The following TET2 variants were observed in gnomAD, a reference collection of about 807,000 sequenced individuals.
TET2 encodes the protein methylcytosine dioxygenase TET2.
Under a neutral mutation model 142.9 loss-of-function variants are expected in TET2, and 299 were observed. That is an observed-to-expected ratio of 2.09 (90% CI 1.90 to 2.30). The LOEUF (loss-of-function observed/expected upper bound fraction) is 2.30, where lower values mean the gene tolerates loss of function less well. TET2 is among the 30% of genes most tolerant of loss of function. The pLI, the probability that TET2 is intolerant of heterozygous loss-of-function variation, is 0.00. For missense variants in TET2, 2,418 were observed against 2,378.0 expected (o/e 1.02, Z -0.35); for synonymous variants, 819 against 849.0 (o/e 0.96, Z 0.61).
chr4:105,176,435 G>T (rs1447688952), intron 1 of TET2, among the ~76,000 whole-genome samples: 1 of 152,104 alleles, frequency 6.6e-6, no homozygotes, highest in Non-Finnish European at 1.5e-5. Flanking sequence ...AATGATTATT[G>T]TAAGGTTACA....
chr4:105,181,242 A>G (rs1429067660), intron 1 of TET2, among the ~76,000 whole-genome samples: 2 of 152,152 alleles, frequency 1.3e-5, no homozygotes, highest in African/African-American at 4.8e-5. Context: ...GTGTCTGTAT[A>G]GTAGTGGTTT....
chr4:105,193,711 G>A (rs1725918123), intron 2 of TET2, among the ~76,000 whole-genome samples: 1 of 152,036 alleles, frequency 6.6e-6, no homozygotes, highest in Non-Finnish European at 1.5e-5. Flanking sequence ...ATTACGTGTT[G>A]GTATTAAAAG....
chr4:105,171,645 A>G (rs1281254658), intron 1 of TET2: 47 of 152,208 alleles, frequency 3.1e-4, no homozygotes, highest in Admixed American at 3.1e-3. Context: ...GCAACTCTTG[A>G]GCTACAACTG....
rs938739326 is a variant in TET2 at position 105,261,683 on chromosome 4, A to T, written c.3955-76A>T. The T allele has an allele frequency of 5.5e-5, 46 of 835,170 alleles. No homozygotes were observed. In the African/African-American group the frequency reaches 7.8e-4, roughly 14 times the overall value. 51.7% of individuals were successfully genotyped at this position (835,170 alleles called of 1,614,324 possible). A position where few individuals can be genotyped will look rare whatever the true frequency, so the allele number is the denominator to read the frequency against. ...TTGGGATTCAAAATGTAAGGGGAATAATCTAACTGATAGTCTCTTTTACAT... is the reference window on the plus strand; with the variant it reads ...TTGGGATTCAAAATGTAAGGGGAATTATCTAACTGATAGTCTCTTTTACAT... On this transcript the variant is annotated intron_variant, in intron 7 of 10. Coordinates refer to ENST00000380013, the MANE Select transcript of TET2 (RefSeq NM_001127208.3).
At chr4:105,182,476 G>A (rs1051191098) in intron 1 of TET2, among the ~76,000 whole-genome samples, 7 of 152,148 alleles carry the variant, frequency 4.6e-5, no homozygotes, top group Non-Finnish European at 1.0e-4. Flanking sequence ...TCTACTTGTC[G>A]TAACTTGATG....
At chr4:105,148,020 G>A (rs1032988932) in intron 1 of TET2, among the ~76,000 whole-genome samples, 16 of 151,886 alleles carry the variant, frequency 1.1e-4, no homozygotes, top group African/African-American at 3.6e-4. Context: ...TTCTCTCTGT[G>A]TCTCCTCTCT....
intron 2 of TET2, among the ~76,000 whole-genome samples, chr4:105,211,477 A>G (rs1401869863): frequency 6.6e-6 from 1 of 152,204 alleles, no homozygotes; most frequent in African/African-American, 2.4e-5. Flanking sequence ...GGTCCAGTCC[A>G]GCCCCCTGAG....
intron 8 of TET2, among the ~76,000 whole-genome samples, chr4:105,262,577 T>C (rs917601031): frequency 6.6e-6 from 1 of 152,050 alleles, no homozygotes; most frequent in African/African-American, 2.4e-5. Flanking sequence ...GCCATCTCTG[T>C]CTGTCTTTAA....
chr4:105,268,327 A>C (rs1485467448), intron 8 of TET2, among the ~76,000 whole-genome samples: 1 of 151,742 alleles, frequency 6.6e-6, no homozygotes, highest in African/African-American at 2.4e-5. Context: ...TTAGACATAC[A>C]TTTGACAAAA....
intron 6 of TET2, among the ~76,000 whole-genome samples, chr4:105,250,815 A>C (rs758817988): frequency 2.0e-5 from 3 of 151,834 alleles, no homozygotes; most frequent in South Asian, 2.1e-4. Flanking sequence ...CCTCAGCTGG[A>C]ACTACAGGTG....
rs1728905813 is a variant in TET2 at position 105,236,342 on chromosome 4, T to C, written c.2400T>C (p.His800=). The change falls in exon 3 of 11, where the codon CAT becomes CAC. Residue 800 remains histidine (H), a synonymous_variant. Transcript: ENST00000380013. ...QYSKSSEFET[H]NVQMGLEEVQ... ...CAAAATCAAGCGAGTTCGAGACTCATAATGTCCAAATGGGACTGGAGGAAG... is the reference window on the plus strand; with the variant it reads ...CAAAATCAAGCGAGTTCGAGACTCACAATGTCCAAATGGGACTGGAGGAAG... 1.9e-6 allele frequency: 3 copies of C among 1,613,902 alleles called. No individual in the cohort carries two copies. Among genetic ancestry groups the C allele is most frequent in the African/African-American group, 1.3e-5 (1 of 74,938 alleles).
At chr4:105,204,234 T>TGCACACACAC (rs1553948996) in intron 2 of TET2, among the ~76,000 whole-genome samples, 7 of 125,968 alleles carry the variant, frequency 5.6e-5, no homozygotes, top group African/African-American at 8.7e-5. Flanking sequence ...AAAAAATATA[T>TGCACACACAC]ACACACACAC....
At chr4:105,185,641 T>TGG (rs1039031585) in intron 1 of TET2, among the ~76,000 whole-genome samples, 1 of 151,878 alleles carries the variant, frequency 6.6e-6, no homozygotes, top group African/African-American at 2.4e-5. Context: ...TAGCCAGGCG[T>TGG]GGGGGCATGC....
intron 1 of TET2, among the ~76,000 whole-genome samples, chr4:105,184,142 A>G (rs10461139): frequency 0.76 from 114,928 of 151,928 alleles, 44,523 homozygotes; most frequent in African/African-American, 0.94. Context: ...TTTTTTTTGC[A>G]TTTTCTGTGT....
intron 6 of TET2, among the ~76,000 whole-genome samples, chr4:105,258,276 T>TTA (rs1435974772): frequency 6.7e-6 from 1 of 148,472 alleles, no homozygotes; most frequent in African/African-American, 2.4e-5. Context: ...TCAGAGATCC[T>TTA]TATTCTGCCA....
intron 8 of TET2, among the ~76,000 whole-genome samples, chr4:105,264,622 C>T (rs1156847410): frequency 6.6e-6 from 1 of 152,070 alleles, no homozygotes; most frequent in Non-Finnish European, 1.5e-5. Flanking sequence ...GATGTAATGT[C>T]TAGATAAATT....
chr4:105,155,782 T>TAAGGA (rs1160673519), intron 1 of TET2, among the ~76,000 whole-genome samples: 1 of 152,196 alleles, frequency 6.6e-6, no homozygotes, highest in Non-Finnish European at 1.5e-5. Context: ...TTGTACCCAA[T>TAAGGA]AAGGAAGTAT....
chr4:105,169,319 T>A (rs1458632341), intron 1 of TET2, among the ~76,000 whole-genome samples: 1 of 152,230 alleles, frequency 6.6e-6, no homozygotes, highest in Non-Finnish European at 1.5e-5. Context: ...TGCATTTCCC[T>A]GATCATTAGT....
Position 105,243,632 on chromosome 4 carries a change from CA to C in TET2, c.3658del (p.Thr1220ProfsTer6). The C allele has an allele frequency of 6.4e-7, 1 of 1,551,594 alleles. No homozygotes were observed. The highest frequency in any genetic ancestry group is 8.7e-7 in the Non-Finnish European group (1 of 1,146,954). Reference sequence around the variant, plus strand: ...GTTTGGTGCGGGAGCGAGCTGGCCACACCTGTGAGGCTGCAGTGATTGTGAT... The same window carrying C: ...GTTTGGTGCGGGAGCGAGCTGGCCACCCTGTGAGGCTGCAGTGATTGTGAT... ...LCLVRERAGH[T>X]CEAAVIVILI... On this transcript the variant is annotated frameshift_variant, in exon 6 of 11. Coordinates refer to ENST00000380013, the MANE Select transcript of TET2 (RefSeq NM_001127208.3). LOFTEE classifies it high-confidence loss of function.
Sources: allele counts gnomAD v4.1 joint callset (sites outside exome capture counted in the v4.1 genomes callset), GRCh38; gene constraint gnomAD v4.1.1; transcripts MANE v1.5; gene names NCBI Gene and HGNC (gene_info 2026-07-23, HGNC 2026-07-21).